The following C1orf185 variants were observed in gnomAD, a reference collection of about 807,000 sequenced individuals.
C1orf185 encodes the protein chromosome 1 open reading frame 185.
Under a neutral mutation model 16.1 loss-of-function variants are expected in C1orf185, and 13 were observed. The ratio of observed to expected loss-of-function variants is 0.81; its 90% CI spans 0.53 to 1.28. The LOEUF is 1.28. C1orf185 is among the 50% of genes most tolerant of loss of function. The pLI is 0.00. For missense variants in C1orf185, 220 were observed against 225.2 expected (o/e 0.98, Z 0.15); for synonymous variants, 80 against 76.9 (o/e 1.04, Z -0.21).
At chr1:51,138,434 C>A (rs182862446) in intron 3 of C1orf185, among the ~76,000 whole-genome samples, 152 of 152,286 alleles carry the variant, frequency 1.0e-3, no homozygotes, top group African/African-American at 3.5e-3. Flanking sequence ...GCTCTGTTGC[C>A]CAGGCTGGAG....
intron 3 of C1orf185, among the ~76,000 whole-genome samples, chr1:51,138,048 TAAG>T (rs1646339251): frequency 6.6e-6 from 1 of 152,042 alleles, no homozygotes; most frequent in African/African-American, 2.4e-5. Context: ...CTGGGGCCTA[TAAG>T]AAGGTGGAGG....
At chr1:51,116,252 A>C (rs1052110543) in intron 2 of C1orf185, among the ~76,000 whole-genome samples, 1 of 151,870 alleles carries the variant, frequency 6.6e-6, no homozygotes, top group Non-Finnish European at 1.5e-5. Context: ...GTACTCATTT[A>C]ATCTTTTCTC....
chr1:51,115,883 T>A (rs1204145017), intron 2 of C1orf185, among the ~76,000 whole-genome samples: 1 of 152,136 alleles, frequency 6.6e-6, no homozygotes, highest in Non-Finnish European at 1.5e-5. Flanking sequence ...AGTCAGCAGA[T>A]CTTGTTGACA....
chr1:51,151,394 A>C (rs377266861), downstream of C1orf185, among the ~76,000 whole-genome samples: 29 of 152,360 alleles, frequency 1.9e-4, no homozygotes, highest in African/African-American at 6.3e-4. Context: ...AAGGAGAGAA[A>C]TTGGAGAATC....
intron 2 of C1orf185, 28 bp from the exon 3 acceptor site, chr1:51,118,638 A>G: frequency 7.9e-7 from 1 of 1,259,976 alleles, no homozygotes; most frequent in East Asian, 2.7e-5. Context: ...CTCAGGTTTA[A>G]TAATATTCTT....
At chr1:51,132,042 A>C (rs911921151) in intron 3 of C1orf185, among the ~76,000 whole-genome samples, 1 of 152,172 alleles carries the variant, frequency 6.6e-6, no homozygotes, top group East Asian at 1.9e-4. Flanking sequence ...AGTTGGCTGA[A>C]TCCACCTTAT....
chr1:51,124,589 T>TTATCAATATATTACTGA (rs1161647296), intron 3 of C1orf185, among the ~76,000 whole-genome samples: 1 of 152,214 alleles, frequency 6.6e-6, no homozygotes, highest in Non-Finnish European at 1.5e-5. Flanking sequence ...TCTTATCAAC[T>TTATCAATATATTACTGA]GTGATTATAC....
At chr1:51,144,679 C>A (rs116237199) in intron 3 of C1orf185, among the ~76,000 whole-genome samples, 4,979 of 152,110 alleles carry the variant, frequency 0.033, 135 homozygotes, top group Non-Finnish European at 0.05. Flanking sequence ...TGCCACTGCA[C>A]CCCATCCTGG....
downstream of C1orf185, among the ~76,000 whole-genome samples, chr1:51,149,379 A>G (rs1646419556): frequency 6.6e-6 from 1 of 152,194 alleles, no homozygotes; most frequent in Non-Finnish European, 1.5e-5. Context: ...AGGAGTTAGA[A>G]CCACTCTCTC....
intron 3 of C1orf185, among the ~76,000 whole-genome samples, chr1:51,126,139 A>T (rs992258306): frequency 6.6e-6 from 1 of 152,178 alleles, no homozygotes; most frequent in Non-Finnish European, 1.5e-5. Flanking sequence ...GTTCATCTGG[A>T]CATGCTCAAG....
chr1:51,135,558 C>T (rs1277902228), intron 3 of C1orf185, among the ~76,000 whole-genome samples: 2 of 152,208 alleles, frequency 1.3e-5, no homozygotes, highest in South Asian at 4.2e-4. Flanking sequence ...CAAAACAGAA[C>T]ATGATTATTT....
Position 51,147,582 on chromosome 1 carries a change from A to T in C1orf185, c.411A>T (p.Thr137=), listed in dbSNP as rs531194862. The change falls in exon 5 of 5, where the codon ACA becomes ACT. Residue 137 remains threonine, a synonymous_variant. Coordinates refer to ENST00000371759, the MANE Select transcript of C1orf185 (RefSeq NM_001136508.2). ...GCAGTGTTACATTAAGCTTATCAAC[A>T]TTACCATCTGATTCTTATTACAGCC... ...NRSSVTLSLS[T]LPSDSYYSQS... 3.9e-6 allele frequency: 6 copies of T among 1,551,486 alleles called. No homozygotes were observed. The highest frequency in any genetic ancestry group is 5.2e-6 in the Non-Finnish European group (6 of 1,146,944).
intron 1 of C1orf185, among the ~76,000 whole-genome samples, chr1:51,107,854 T>TCAA (rs1338746550): frequency 4.6e-5 from 7 of 152,236 alleles, no homozygotes; most frequent in Non-Finnish European, 8.8e-5. Flanking sequence ...TATTTTGTTT[T>TCAA]CTTTAATTAA....
At chr1:51,129,966 A>G (rs1051749714) in intron 3 of C1orf185, among the ~76,000 whole-genome samples, 8 of 152,186 alleles carry the variant, frequency 5.3e-5, no homozygotes, top group Admixed American at 4.6e-4. Flanking sequence ...CGATAATAAT[A>G]TCCATACAAT....
intron 4 of C1orf185, among the ~76,000 whole-genome samples, chr1:51,147,075 A>G (rs1646405452): frequency 6.6e-6 from 1 of 152,184 alleles, no homozygotes; most frequent in South Asian, 2.1e-4. Context: ...TTCTAATATC[A>G]TAAATAATTA....
chr1:51,139,014 A>C (rs945229416), intron 3 of C1orf185, among the ~76,000 whole-genome samples: 1 of 152,048 alleles, frequency 6.6e-6, no homozygotes, highest in Non-Finnish European at 1.5e-5. Context: ...TTACATATGG[A>C]TGATTTGATT....
At chr1:51,147,416 T>A (rs1445182363) in intron 4 of C1orf185, 51 bp from the exon 5 acceptor site, 59 of 1,414,188 alleles carry the variant, frequency 4.2e-5, no homozygotes, top group Non-Finnish European at 5.4e-5. Context: ...TCCTTATAAT[T>A]AAGAGTTGGC....
At chr1:51,112,598 C>T in intron 2 of C1orf185, 29 bp downstream of exon 2, 1 of 1,475,144 alleles carries the variant, frequency 6.8e-7, no homozygotes, top group Non-Finnish European at 9.1e-7. Context: ...TTTCTTTAAC[C>T]TTTTTTTCTT....
rs114202394 is a variant in C1orf185, at chr1:51,126,217, A to T, written c.258+7416A>T. ...GTATTTTGTTACAATTGCTACTGAC[A>T]AAGTATAACCAGAGTGAACTGGTTC... On this transcript the variant is annotated intron_variant, in intron 3 of 4. Coordinates refer to ENST00000371759, the MANE Select transcript of C1orf185 (RefSeq NM_001136508.2). Among the ~76,000 whole-genome samples, 285 of 152,306 alleles carry T rather than the reference A, an allele frequency of 1.9e-3. 2 individuals are homozygous for T. The highest frequency in any genetic ancestry group is 6.7e-3 in the African/African-American group (278 of 41,562).
Sources: gnomAD v4.1 joint callset for allele counts (sites outside exome capture counted in the v4.1 genomes callset) on GRCh38, gnomAD v4.1.1 for gene constraint, MANE v1.5 for transcripts, NCBI Gene and HGNC (gene_info 2026-07-23, HGNC 2026-07-21) for gene names.